Variants in GSTA5 observed in about 807,000 individuals in gnomAD.
GSTA5 encodes glutathione S-transferase alpha 5, also known as glutathione S-transferase A5.
GSTA5 carries 25 observed loss-of-function variants against 21.8 expected under a neutral mutation model. That is an observed-to-expected ratio of 1.14 (90% CI 0.83 to 1.60). The LOEUF (loss-of-function observed/expected upper bound fraction) is 1.60. GSTA5 is among the 40% of genes most tolerant of loss of function. The pLI is 0.00. For synonymous variants in GSTA5, 102 were observed against 89.5 expected, an observed-to-expected ratio of 1.14 and a Z score of -0.78; for missense variants, 330 against 259.2, an observed-to-expected ratio of 1.27 and a Z score of -1.88.
chr6:52,836,185 T>TTA, intron 3 of GSTA5, 51 bp downstream of exon 3: 1 of 1,602,216 alleles, frequency 6.2e-7, no homozygotes, highest in Non-Finnish European at 8.5e-7. Context: ...AAAGAAGGAC[T>TTA]TAAATCACTC....
chr6:52,842,767 T>TA (rs891972600), upstream of GSTA5, among the ~76,000 whole-genome samples: 16 of 152,228 alleles, frequency 1.1e-4, no homozygotes, highest in African/African-American at 2.4e-4. Flanking sequence ...ATCTTTTTTT[T>TA]ATACTTTAAA....
At chr6:52,836,652 C>G (rs1484715584) in intron 2 of GSTA5, among the ~76,000 whole-genome samples, 1 of 152,160 alleles carries the variant, frequency 6.6e-6, no homozygotes, top group Non-Finnish European at 1.5e-5. Context: ...GCTGGGATTA[C>G]AGGCATGTGC....
chr6:52,833,231 C>G (rs1375190085), intron 4 of GSTA5, among the ~76,000 whole-genome samples: 1 of 152,186 alleles, frequency 6.6e-6, no homozygotes, highest in African/African-American at 2.4e-5. Context: ...ACTGTGGTGT[C>G]TACACAACCC....
intron 4 of GSTA5, 75 bp from the exon 5 acceptor site, chr6:52,833,065 C>G: frequency 6.4e-7 from 1 of 1,561,802 alleles, no homozygotes; most frequent in East Asian, 2.3e-5. Flanking sequence ...CAGAGCCTCT[C>G]CACCCTGACT....
At chr6:52,835,029 A>C (rs1343424055) in intron 3 of GSTA5, among the ~76,000 whole-genome samples, 1 of 152,238 alleles carries the variant, frequency 6.6e-6, no homozygotes, top group Admixed American at 6.5e-5. Context: ...CACGTACTGT[A>C]ATTGCAACCT....
At chr6:52,831,893 C>T (rs1425169452) in exon 6 of GSTA5, 1 of 1,613,898 alleles carries the variant, frequency 6.2e-7, no homozygotes, top group South Asian at 1.1e-5. Context: ...ATTTCTCATC[C>T]ATGGGAGGCT....
At chr6:52,835,174 C>T (rs1037346260) in intron 3 of GSTA5, among the ~76,000 whole-genome samples, 1 of 152,206 alleles carries the variant, frequency 6.6e-6, no homozygotes, top group African/African-American at 2.4e-5. Context: ...CATTTATCTC[C>T]AAGCCCCACT....
chr6:52,835,702 T>C (rs1764282654), intron 3 of GSTA5, among the ~76,000 whole-genome samples: 1 of 152,180 alleles, frequency 6.6e-6, no homozygotes, highest in African/African-American at 2.4e-5. Flanking sequence ...CTTCTATCCA[T>C]GTGTCAAGGT....
intron 4 of GSTA5, among the ~76,000 whole-genome samples, chr6:52,833,787 G>C (rs897205194): frequency 6.6e-6 from 1 of 152,138 alleles, no homozygotes; most frequent in African/African-American, 2.4e-5. Flanking sequence ...CTTTCATCAT[G>C]TTCTTCTTCC....
intron 1 of GSTA5, among the ~76,000 whole-genome samples, chr6:52,838,412 C>G (rs1764322207): frequency 6.6e-6 from 1 of 152,196 alleles, no homozygotes. Context: ...TCATGCAAAG[C>G]ACTTAGAAAA....
intron 2 of GSTA5, among the ~76,000 whole-genome samples, chr6:52,837,331 G>A (rs531395594): frequency 1.3e-5 from 2 of 152,098 alleles, no homozygotes; most frequent in African/African-American, 4.8e-5. Flanking sequence ...CCCCGGGGGC[G>A]GGATATCATT....
chr6:52,836,412 C>T, intron 2 of GSTA5, 44 bp from the exon 3 acceptor site: 2 of 1,591,184 alleles, frequency 1.3e-6, no homozygotes, highest in African/African-American at 1.3e-5. Context: ...GTCTATGAAA[C>T]CCACCCTTTT....
rs1561926083 is a variant in GSTA5, at chr6:52,834,276, AT to A, written c.278del (p.Asp93ValfsTer7). 1 of 1,608,168 alleles carries A rather than the reference AT, an allele frequency of 6.2e-7. No homozygotes were observed. The highest frequency in any genetic ancestry group is 8.5e-7 in the Non-Finnish European group (1 of 1,177,880). ...AATCTACTATACCTTCTGTGTACAT[AT>A]CAATCCTGAAAGACAAAAACAACCA... On this transcript the variant is annotated frameshift_variant, in exon 4 of 6. Transcript: ENST00000370989. LOFTEE classifies it high-confidence loss of function.
exon 5 of GSTA5, chr6:52,832,889 C>A: frequency 1.2e-6 from 2 of 1,613,980 alleles, no homozygotes; most frequent in Non-Finnish European, 1.7e-6. Flanking sequence ...AGATAAGACT[C>A]GAGTCAAGCT....
chr6:52,836,417 C>T (rs1764295102), intron 2 of GSTA5, 49 bp from the exon 3 acceptor site: 4 of 1,561,266 alleles, frequency 2.6e-6, no homozygotes, highest in Admixed American at 1.9e-5. Flanking sequence ...TGAAACCCAC[C>T]CTTTTGGGAT....
At chr6:52,844,484 T>C (rs993667336), upstream of GSTA5, among the ~76,000 whole-genome samples, 9 of 152,114 alleles carry the variant, frequency 5.9e-5, no homozygotes, top group African/African-American at 2.2e-4. Flanking sequence ...TTTACATCAA[T>C]TAAAAATGGG....
chr6:52,836,302 C>G, exon 3 of GSTA5: 1 of 1,613,826 alleles, frequency 6.2e-7, no homozygotes, highest in Non-Finnish European at 8.5e-7. Flanking sequence ...AAGAATGGCT[C>G]TGGTCTGCAC....
chr6:52,835,584 A>C (rs1487231191), intron 3 of GSTA5, among the ~76,000 whole-genome samples: 5 of 152,218 alleles, frequency 3.3e-5, no homozygotes, highest in African/African-American at 1.2e-4. Flanking sequence ...GTTTTTGTGG[A>C]GCTGCCAACA....
chr6:52,837,503 C>T, intron 2 of GSTA5, 55 bp downstream of exon 2: 2 of 1,169,346 alleles, frequency 1.7e-6, no homozygotes, highest in East Asian at 2.4e-5. Flanking sequence ...GCTCAACGTT[C>T]CTCTGTACCT....
Sources: allele counts gnomAD v4.1 joint callset (sites outside exome capture counted in the v4.1 genomes callset), GRCh38; gene constraint gnomAD v4.1.1; transcripts MANE v1.5; gene names NCBI Gene and HGNC (gene_info 2026-07-23, HGNC 2026-07-21).